The following GNAQ variants were observed in gnomAD, a reference collection of about 807,000 sequenced individuals.
GNAQ encodes G protein subunit alpha q.
Under a neutral mutation model 43.9 loss-of-function variants are expected in GNAQ, and 8 were observed. That is an observed-to-expected ratio of 0.18 (90% confidence interval 0.11 to 0.33). GNAQ has a LOEUF of 0.33. GNAQ is among the 10% of genes least tolerant of loss of function. The probability of loss-of-function intolerance (pLI) is 1.00; values close to 1 mark genes in which losing one functional copy is unlikely to be tolerated. For synonymous variants in GNAQ, 155 were observed against 170.7 expected (o/e 0.91, Z 0.71); for missense variants, 158 against 450.8 (o/e 0.35, Z 5.88).
intron 2 of GNAQ, among the ~76,000 whole-genome samples, chr9:77,868,365 A>G (rs766905885): frequency 2.0e-5 from 3 of 152,256 alleles, no homozygotes; most frequent in Non-Finnish European, 4.4e-5. Context: ...TGAATCATGA[A>G]TAAGAGGATA....
Position 78,031,316 on chromosome 9 carries a change from C to T in GNAQ, c.-81G>A, listed in dbSNP as rs1367956511. ...CACACACCCTCCCGCCCTCGCTCCCCCGAGGCAGCGGTGGCCGCCGAGCCC... is the reference window on the plus strand; with the variant it reads ...CACACACCCTCCCGCCCTCGCTCCCTCGAGGCAGCGGTGGCCGCCGAGCCC... On this transcript the variant is annotated 5_prime_UTR_variant, in exon 1 of 7. Transcript: ENST00000286548. The T allele has an allele frequency of 5.1e-6, 6 of 1,168,252 alleles. No homozygotes were observed. Among genetic ancestry groups the T allele is most frequent in the African/African-American group, 1.6e-5 (1 of 62,844 alleles). 72.4% of individuals were successfully genotyped at this position (1,168,252 alleles called of 1,614,324 possible).
intron 5 of GNAQ, among the ~76,000 whole-genome samples, chr9:77,759,909 T>TCTTC (rs3083122): frequency 1.3e-5 from 2 of 149,598 alleles, no homozygotes; most frequent in Admixed American, 1.3e-4. Context: ...TTTCTTTCTT[T>TCTTC]TTTTTCTTTT....
At chr9:77,959,192 A>C (rs1402399662) in intron 1 of GNAQ, among the ~76,000 whole-genome samples, 1 of 152,142 alleles carries the variant, frequency 6.6e-6, no homozygotes, top group African/African-American at 2.4e-5. Flanking sequence ...TAATTAATTT[A>C]CCTTGTAAAG....
intron 3 of GNAQ, among the ~76,000 whole-genome samples, chr9:77,815,335 G>A (rs928974443): frequency 2.0e-5 from 3 of 152,114 alleles, no homozygotes; most frequent in African/African-American, 4.8e-5. Context: ...GCAATTTGGG[G>A]GAGGAGACAG....
intron 1 of GNAQ, among the ~76,000 whole-genome samples, chr9:77,943,655 A>C (rs1829345317): frequency 6.9e-6 from 1 of 144,384 alleles, no homozygotes; most frequent in Non-Finnish European, 1.5e-5. Flanking sequence ...CCTGGAAGTA[A>C]CTAACTTTTT....
intron 5 of GNAQ, among the ~76,000 whole-genome samples, chr9:77,742,400 G>A (rs1310600171): frequency 2.6e-5 from 4 of 152,134 alleles, no homozygotes; most frequent in Non-Finnish European, 1.5e-5. Flanking sequence ...GAAAAACTGA[G>A]AAATGGCTGT....
intron 1 of GNAQ, among the ~76,000 whole-genome samples, chr9:77,988,983 C>T (rs531917698): frequency 7.6e-4 from 116 of 152,282 alleles, no homozygotes; most frequent in South Asian, 3.1e-3. Flanking sequence ...AGATAAAACG[C>T]TGTTCAATTC....
chr9:77,784,571 TTATAAAA>T (rs1162136521), intron 5 of GNAQ, among the ~76,000 whole-genome samples: 1 of 152,200 alleles, frequency 6.6e-6, no homozygotes, highest in African/African-American at 2.4e-5. Flanking sequence ...AAATATCCAC[TTATAAAA>T]TATAAATGTT....
At chr9:77,997,455 G>A (rs1823583940) in intron 1 of GNAQ, among the ~76,000 whole-genome samples, 1 of 152,130 alleles carries the variant, frequency 6.6e-6, no homozygotes, top group Non-Finnish European at 1.5e-5. Flanking sequence ...ATTGCTTCTT[G>A]CTTTCTACCT....
intron 1 of GNAQ, among the ~76,000 whole-genome samples, chr9:77,936,708 C>G (rs1829237723): frequency 6.6e-6 from 1 of 152,154 alleles, no homozygotes; most frequent in South Asian, 2.1e-4. Flanking sequence ...CACACCCATA[C>G]CCCCGCACTC....
At chr9:77,977,972 T>C (rs919483635) in intron 1 of GNAQ, among the ~76,000 whole-genome samples, 9 of 152,190 alleles carry the variant, frequency 5.9e-5, no homozygotes, top group African/African-American at 1.7e-4. Flanking sequence ...AGTAATGTCA[T>C]AGTATGCGTG....
rs990675715 is a variant in GNAQ, at chr9:77,880,141, C to T, written c.321+42020G>A. On this transcript the variant is annotated intron_variant, in intron 2 of 6. Transcript: ENST00000286548. ...GAACAAGGAAGCTTGATGGCAATAC[C>T]GTGGCCCCAGGAGGGACCTGCTGTG... Among the ~76,000 whole-genome samples, 11 of 152,090 alleles carry T rather than the reference C, an allele frequency of 7.2e-5. No homozygotes were observed. In the East Asian group the frequency reaches 9.6e-4, roughly 13 times the overall value.
rs558269461 is a variant in GNAQ, at chr9:77,883,586, T to A, written c.321+38575A>T. 3.3e-5 allele frequency among the ~76,000 whole-genome samples: 5 copies of A among 152,054 alleles called. No individual in the cohort carries two copies. In the East Asian group the frequency reaches 9.7e-4, roughly 29 times the overall value. ...TGGCGGGGACTGGGCTTCTAGTGTATCCATTCCCCAGCTAGTGAACATTGA... is the reference window on the plus strand; with the variant it reads ...TGGCGGGGACTGGGCTTCTAGTGTAACCATTCCCCAGCTAGTGAACATTGA... On this transcript the variant is annotated intron_variant, in intron 2 of 6. Coordinates refer to ENST00000286548, the MANE Select transcript of GNAQ (RefSeq NM_002072.5).
At chr9:77,945,191 A>G (rs1414470985) in intron 1 of GNAQ, among the ~76,000 whole-genome samples, 2 of 152,356 alleles carry the variant, frequency 1.3e-5, no homozygotes, top group East Asian at 1.9e-4. Context: ...CATCCATCAG[A>G]TAAGGCTGAT....
chr9:77,798,758 T>C (rs566859901), intron 3 of GNAQ, among the ~76,000 whole-genome samples: 51 of 152,196 alleles, frequency 3.4e-4, no homozygotes, highest in African/African-American at 1.2e-3. Context: ...TAGGGAATAA[T>C]GACAAGAAAA....
intron 5 of GNAQ, among the ~76,000 whole-genome samples, chr9:77,767,273 G>C (rs540552919): frequency 2.5e-4 from 38 of 152,148 alleles, no homozygotes; most frequent in Admixed American, 2.2e-3. Flanking sequence ...CCTGTGTGCC[G>C]CAAGAGGTTC....
chr9:77,938,076 G>A (rs1829259597), intron 1 of GNAQ, among the ~76,000 whole-genome samples: 1 of 151,882 alleles, frequency 6.6e-6, no homozygotes, highest in East Asian at 1.9e-4. Context: ...ATATAAAATG[G>A]TATAGCATCT....
chr9:78,022,589 GTC>G lies in GNAQ; in HGVS notation c.136+8509_136+8510del, dbSNP rs1823924156. On this transcript the variant is annotated intron_variant, in intron 1 of 6. Transcript: ENST00000286548. ...TGCCATTGTTTTTAAATTATTACAT[GTC>G]TTACCAATGCTCAAAAATATATCAC... 5.9e-5 allele frequency among the ~76,000 whole-genome samples: 9 copies of G among 152,166 alleles called. No individual in the cohort carries two copies. The South Asian group carries it at 1.9e-3, about 31-fold the overall frequency.
At chr9:77,727,582 T>C (rs1825417427) in intron 6 of GNAQ, among the ~76,000 whole-genome samples, 1 of 152,152 alleles carries the variant, frequency 6.6e-6, no homozygotes, top group South Asian at 2.1e-4. Flanking sequence ...TGGGTTACTA[T>C]TAGTAATGGT....
Sources: allele counts gnomAD v4.1 joint callset (sites outside exome capture counted in the v4.1 genomes callset), GRCh38; gene constraint gnomAD v4.1.1; transcripts MANE v1.5; gene names NCBI Gene and HGNC (gene_info 2026-07-23, HGNC 2026-07-21).